The following SHISA9 variants were observed in gnomAD, a reference collection of about 807,000 sequenced individuals.
SHISA9 encodes the protein shisa family member 9, also known as protein shisa-9.
Under a neutral mutation model 38.0 loss-of-function variants are expected in SHISA9, and 13 were observed. That is an observed-to-expected ratio of 0.34 (90% CI 0.22 to 0.54). SHISA9 has a LOEUF of 0.54. Ranked by LOEUF, SHISA9 falls within the 20% of genes least tolerant of loss-of-function variation. The pLI is 0.91. For synonymous variants in SHISA9, 275 were observed against 242.0 expected, an observed-to-expected ratio of 1.14 and a Z score of -1.27; for missense variants, 538 against 575.8, an observed-to-expected ratio of 0.93 and a Z score of 0.67.
chr16:12,910,783 T>C (rs1280335736), intron 1 of SHISA9: 3 of 962,204 alleles, frequency 3.1e-6, no homozygotes, highest in East Asian at 2.3e-4. Context: ...AGATTCATTA[T>C]AAGGAATTGG....
intron 2 of SHISA9, among the ~76,000 whole-genome samples, chr16:13,200,497 C>T (rs970810085): frequency 6.6e-6 from 1 of 151,568 alleles, no homozygotes; most frequent in Non-Finnish European, 1.5e-5. Flanking sequence ...AAGCCATTTC[C>T]CACAGGACCA....
chr16:13,380,631 A>G, the SHISA9 span, among the ~76,000 whole-genome samples: 7 of 152,346 alleles, frequency 4.6e-5, no homozygotes, highest in South Asian at 1.5e-3. Flanking sequence ...GGAGTAAACT[A>G]AAAGACAGAA....
the SHISA9 span, among the ~76,000 whole-genome samples, chr16:13,401,458 G>T: frequency 6.6e-6 from 1 of 152,174 alleles, no homozygotes; most frequent in African/African-American, 2.4e-5. Flanking sequence ...AAATGTCTGT[G>T]TTCCCCCAGT....
chr16:12,906,925 C>T (rs1357836476), intron 1 of SHISA9, among the ~76,000 whole-genome samples: 2 of 152,200 alleles, frequency 1.3e-5, no homozygotes, highest in Admixed American at 1.3e-4. Flanking sequence ...CAAAACTGGC[C>T]CCAGTTGAGA....
chr16:13,353,270 G>T, the SHISA9 span, among the ~76,000 whole-genome samples: 1 of 152,142 alleles, frequency 6.6e-6, no homozygotes, highest in Non-Finnish European at 1.5e-5. Context: ...CCTGGATACG[G>T]TTTTGTATGA....
At chr16:13,433,844 A>G in the SHISA9 span, among the ~76,000 whole-genome samples, 1 of 152,186 alleles carries the variant, frequency 6.6e-6, no homozygotes, top group Non-Finnish European at 1.5e-5. Context: ...TTGACCATCT[A>G]TTGTCTGATT....
chr16:13,154,783 G>T (rs979241455), intron 2 of SHISA9, among the ~76,000 whole-genome samples: 2 of 152,328 alleles, frequency 1.3e-5, no homozygotes, highest in Admixed American at 6.5e-5. Context: ...AGAGAGTTAG[G>T]ATTTCAGGTT....
chr16:13,053,746 C>T (rs1420165571), intron 2 of SHISA9, among the ~76,000 whole-genome samples: 1 of 152,190 alleles, frequency 6.6e-6, no homozygotes, highest in Non-Finnish European at 1.5e-5. Context: ...AATGCTCCAC[C>T]TCTCATATGG....
chr16:13,140,173 CCCCTTCCCTT>C (rs1221343991), intron 2 of SHISA9, among the ~76,000 whole-genome samples: 1 of 101,188 alleles, frequency 9.9e-6, no homozygotes, highest in Non-Finnish European at 2.0e-5. Flanking sequence ...CCCCTCCCCT[CCCCTTCCCTT>C]CCCTTTCTTT....
chr16:13,153,551 T>C (rs1476617739), intron 2 of SHISA9, among the ~76,000 whole-genome samples: 1 of 152,146 alleles, frequency 6.6e-6, no homozygotes, highest in Non-Finnish European at 1.5e-5. Context: ...AATGTGGGAT[T>C]TCCACAACAG....
the SHISA9 span, among the ~76,000 whole-genome samples, chr16:13,406,506 T>A: frequency 6.6e-6 from 1 of 152,200 alleles, no homozygotes; most frequent in African/African-American, 2.4e-5. Context: ...ATCCTCTTTT[T>A]ACCTGCTCCT....
the SHISA9 span, chr16:13,331,622 T>G: frequency 6.6e-6 from 1 of 152,206 alleles, no homozygotes; most frequent in Non-Finnish European, 1.5e-5. Flanking sequence ...TCATCTGCTC[T>G]CCTCCATCAC....
Position 13,217,544 on chromosome 16 carries a change from C to T in SHISA9, c.895+4244C>T, listed in dbSNP as rs185620830. Among the ~76,000 whole-genome samples the T allele has an allele frequency of 1.2e-4, 19 of 152,262 alleles. 1 individual carries two copies. In the East Asian group the frequency reaches 2.7e-3, roughly 22 times the overall value. ...CTTTCCAAGCTACATACATGCTCCA[C>T]GCTCCCATTTCTACCATTGCTCCAA... is the stretch of plus-strand genomic sequence containing the variant. On this transcript the variant is annotated intron_variant, in intron 4 of 4. Coordinates refer to ENST00000558583, the MANE Select transcript of SHISA9 (RefSeq NM_001145204.3).
At position 13,167,729 on chromosome 16, in the gene SHISA9, G is replaced by A. The variant is rs933152115; in HGVS notation, c.692-35665G>A. Among the ~76,000 whole-genome samples, 10 of 152,020 alleles carry A rather than the reference G, an allele frequency of 6.6e-5. No homozygotes were observed. In the East Asian group the frequency reaches 9.7e-4, roughly 15 times the overall value. On this transcript the variant is annotated intron_variant, in intron 2 of 4. Transcript: ENST00000558583. ...GGTAAAACATGCCTGCTTTCCCTTC[G>A]CCTTCCGCCATGATTGTTATTTTCC...
At chr16:13,135,752 A>C (rs188725256) in intron 2 of SHISA9, among the ~76,000 whole-genome samples, 1 of 152,350 alleles carries the variant, frequency 6.6e-6, no homozygotes, top group African/African-American at 2.4e-5. Flanking sequence ...CAGTAACGCC[A>C]ACAGCAAGAT....
chr16:12,973,503 G>A (rs1185844753), intron 2 of SHISA9, among the ~76,000 whole-genome samples: 1 of 152,208 alleles, frequency 6.6e-6, no homozygotes, highest in Admixed American at 6.5e-5. Flanking sequence ...CGACTTCAGA[G>A]CAGAGATTTG....
the SHISA9 span, among the ~76,000 whole-genome samples, chr16:13,498,574 C>T: frequency 5.3e-5 from 8 of 151,958 alleles, no homozygotes; most frequent in South Asian, 4.2e-4. Context: ...CTGACCGACA[C>T]GGTAAAACCC....
the SHISA9 span, among the ~76,000 whole-genome samples, chr16:13,281,278 T>G: frequency 6.6e-6 from 1 of 151,828 alleles, no homozygotes; most frequent in Non-Finnish European, 1.5e-5. Context: ...AATCTGATGT[T>G]AACATGGCTT....
chr16:13,267,363 A>G, the SHISA9 span, among the ~76,000 whole-genome samples: 4 of 152,196 alleles, frequency 2.6e-5, no homozygotes, highest in Non-Finnish European at 5.9e-5. Context: ...CAGCTGGCAA[A>G]TGTATAACAT....
Sources: gnomAD v4.1 joint callset for allele counts (sites outside exome capture counted in the v4.1 genomes callset) on GRCh38, gnomAD v4.1.1 for gene constraint, MANE v1.5 for transcripts, NCBI Gene and HGNC (gene_info 2026-07-23, HGNC 2026-07-21) for gene names.